The following GTPBP1 variants were observed in gnomAD, a reference collection of about 807,000 sequenced individuals.
The protein encoded by GTPBP1 is GTP-binding protein 1.
A neutral mutation model predicts 62.0 loss-of-function variants in GTPBP1; 23 were observed. The ratio of observed to expected loss-of-function variants is 0.37; its 90% CI spans 0.27 to 0.53. The LOEUF (loss-of-function observed/expected upper bound fraction) is 0.53. Ranked by LOEUF, GTPBP1 falls within the 20% of genes least tolerant of loss-of-function variation. The pLI is 0.89. For synonymous variants in GTPBP1, 344 were observed against 364.4 expected (o/e 0.94, Z 0.64); for missense variants, 640 against 917.3 (o/e 0.70, Z 3.90).
At position 38,727,338 on chromosome 22, in the gene GTPBP1, C is replaced by T. The variant is rs537370099; in HGVS notation, c.1527C>T (p.Tyr509=). The change falls in exon 9 of 12, where the codon TAC becomes TAT. Residue 509 remains tyrosine (Y), a synonymous_variant. Transcript: ENST00000216044. The surrounding 1 kb of genome is among the most constrained non-coding windows in gnomAD (Gnocchi z 6.5). ...ACCCCACCACAATTAGCCCGCGCTA[C>T]CAGGCCATGGGTAGGTGTCTAAGGC... is the stretch of plus-strand genomic sequence containing the variant. The part of the protein sequence containing the change: ...LHHPTTISPR[Y]QAMVHCGSIR... 3 of 1,580,820 alleles carry T rather than the reference C, an allele frequency of 1.9e-6. No individual in the cohort carries two copies. The highest frequency in any genetic ancestry group is 1.7e-6 in the Non-Finnish European group (2 of 1,162,694).
intron 11 of GTPBP1, 77 bp downstream of exon 11, chr22:38,729,739 GT>G: frequency 2.6e-6 from 3 of 1,161,494 alleles, no homozygotes; most frequent in Non-Finnish European, 2.3e-6. Context: ...AGGGTGACAT[GT>G]AGGCAAGCCT....
Position 38,706,032 on chromosome 22 carries a change from C to T in GTPBP1, c.77C>T (p.Pro26Leu), listed in dbSNP as rs2092601942. 4 of 1,367,656 alleles carry T rather than the reference C, an allele frequency of 2.9e-6. No homozygotes were observed. The highest frequency in any genetic ancestry group is 1.5e-5 in the African/African-American group (1 of 64,888). 84.7% of individuals were successfully genotyped at this position (1,367,656 alleles called of 1,614,324 possible). A position where few individuals can be genotyped will look rare whatever the true frequency, so the allele number is the denominator to read the frequency against. The stretch of plus-strand genomic sequence containing the variant: ...ATGTTCGCCCCCGAGCCCAGCTCCC[C>T]GGGGGCGGCCAGGGCCGCGGCGGCC... ...ASMFAPEPSS[P>L]GAARAAAAAA... The change falls in exon 1 of 12, where the codon CCG becomes CTG. Residue 26 changes from proline to leucine, a missense_variant. Coordinates refer to ENST00000216044, the MANE Select transcript of GTPBP1 (RefSeq NM_004286.5).
chr22:38,735,859 G>A (rs534936816), downstream of GTPBP1: 47 of 174,670 alleles, frequency 2.7e-4, no homozygotes, highest in African/African-American at 8.8e-4. Flanking sequence ...CTTGCCCAGG[G>A]GCAGAGGCAG....
At chr22:38,719,494 G>A (rs1020074635) in intron 4 of GTPBP1, among the ~76,000 whole-genome samples, 2 of 151,934 alleles carry the variant, frequency 1.3e-5, no homozygotes, top group Non-Finnish European at 2.9e-5. Context: ...TTTTAGAGAC[G>A]AGATCTTGCT....
chr22:38,712,170 C>T (rs1053282354), intron 2 of GTPBP1, among the ~76,000 whole-genome samples: 158 of 152,192 alleles, frequency 1.0e-3, no homozygotes, highest in African/African-American at 3.7e-3. Context: ...CCACCGTGCC[C>T]GGCCAAGGAG....
downstream of GTPBP1, chr22:38,736,336 C>A: frequency 6.2e-7 from 1 of 1,613,996 alleles, no homozygotes; most frequent in South Asian, 1.1e-5. Flanking sequence ...CCCAGTTAGT[C>A]AGGATCCGCA....
downstream of GTPBP1, chr22:38,742,684 T>G (rs745826949): frequency 1.4e-5 from 18 of 1,257,758 alleles, no homozygotes; most frequent in Non-Finnish European, 1.7e-5. Context: ...CATAAGGCCA[T>G]GCAGGGCCGG....
At chr22:38,735,326 C>T (rs772949903), downstream of GTPBP1, 11 of 436,872 alleles carry the variant, frequency 2.5e-5, no homozygotes, top group Middle Eastern at 5.2e-4. Flanking sequence ...ATGTGGGGGC[C>T]GGTGCAGACA....
Position 38,727,408 on chromosome 22 carries a change from G to A in GTPBP1, c.1537+60G>A, listed in dbSNP as rs2092732691. The A allele has an allele frequency of 5.5e-6, 8 of 1,457,822 alleles. No individual in the cohort carries two copies. The highest frequency in any genetic ancestry group is 6.4e-6 in the Non-Finnish European group (7 of 1,095,466). 90.3% of individuals were successfully genotyped at this position (1,457,822 alleles called of 1,614,324 possible). A position where few individuals can be genotyped will look rare whatever the true frequency, so the allele number is the denominator to read the frequency against. Reference sequence around the variant, plus strand: ...GTCGTGTTAGCTCCCCTCAGAAGGTGTTCCAGCAACCCAGGCCCCCTAGTT... The same window carrying A: ...GTCGTGTTAGCTCCCCTCAGAAGGTATTCCAGCAACCCAGGCCCCCTAGTT... On this transcript the variant is annotated intron_variant, in intron 9 of 11. Coordinates refer to ENST00000216044, the MANE Select transcript of GTPBP1 (RefSeq NM_004286.5). The surrounding 1 kb of genome is among the most constrained non-coding windows in gnomAD (Gnocchi z 6.5).
At chr22:38,742,704 G>A (rs1346201960), downstream of GTPBP1, 37 of 1,043,898 alleles carry the variant, frequency 3.5e-5, no homozygotes, top group Non-Finnish European at 2.3e-5. Flanking sequence ...GCTGGAGCTC[G>A]TGGGCAGGGG....
At chr22:38,715,126 G>A (rs2092662165) in intron 2 of GTPBP1, among the ~76,000 whole-genome samples, 1 of 152,074 alleles carries the variant, frequency 6.6e-6, no homozygotes, top group African/African-American at 2.4e-5. Context: ...CTTCCTAACT[G>A]GACTCCCCCC....
chr22:38,718,344 C>T (rs1351080305), intron 4 of GTPBP1, among the ~76,000 whole-genome samples: 1 of 152,176 alleles, frequency 6.6e-6, no homozygotes, highest in Admixed American at 6.5e-5. Flanking sequence ...AATATCTTCA[C>T]CCTGGACAAA....
At chr22:38,728,212 CCTGTT>C (rs1213106356) in intron 10 of GTPBP1, 51 bp downstream of exon 10, 2 of 1,322,798 alleles carry the variant, frequency 1.5e-6, no homozygotes, top group African/African-American at 1.4e-5. Context: ...AGGGGCCACT[CCTGTT>C]CTGTGACCCT....
Position 38,708,874 on chromosome 22 carries a change from G to A in GTPBP1, c.222G>A (p.Gln74=). 6.2e-7 allele frequency: 1 copy of A among 1,611,006 alleles called. No individual in the cohort carries two copies. The highest frequency in any genetic ancestry group is 8.5e-7 in the Non-Finnish European group (1 of 1,177,076). Residue 74 remains glutamine (Q), a synonymous_variant, in exon 2 of 12, where the codon CAG becomes CAA. Transcript: ENST00000216044. ...KLVLVSPTSE[Q]YDSLLRQMWE... ...TTCTAGTGAGCCCTACATCAGAGCA[G>A]TATGACAGCCTACTTCGGCAGATGT... is the stretch of plus-strand genomic sequence containing the variant.
At chr22:38,723,524 A>G in intron 5 of GTPBP1, 1 of 654,032 alleles carries the variant, frequency 1.5e-6, no homozygotes, top group Non-Finnish European at 2.7e-6. Flanking sequence ...ACGCGGGCGA[A>G]ACTTCCTTTG....
At chr22:38,708,399 T>C (rs957698193) in intron 1 of GTPBP1, among the ~76,000 whole-genome samples, 3 of 152,232 alleles carry the variant, frequency 2.0e-5, no homozygotes, top group Admixed American at 1.3e-4. Flanking sequence ...AGAATTCTTT[T>C]GTTATCCTGG....
downstream of GTPBP1, chr22:38,734,505 C>T (rs1265815255): frequency 6.2e-6 from 2 of 322,936 alleles, no homozygotes; most frequent in Non-Finnish European, 1.3e-5. Context: ...CTAATAAAGC[C>T]ACCTCACTGC....
At chr22:38,722,922 T>C in intron 5 of GTPBP1, 1 of 1,067,186 alleles carries the variant, frequency 9.4e-7, no homozygotes, top group Non-Finnish European at 1.5e-6. Context: ...GACGCTCAAG[T>C]GCTTGATGAC....
At position 38,729,653 on chromosome 22, in the gene GTPBP1, C is replaced by T; in HGVS notation, c.1908C>T (p.Leu636=). The change falls in exon 11 of 12, where the codon CTC becomes CTT. Residue 636 remains leucine, a synonymous_variant. Transcript: ENST00000216044. ...GGCAACCAGCTGCGTCCAGCAATCT[C>T]CAGCCTCAGGTGAGCACGGGCCCCT... ...GAGQPAASSN[L]QPQPKPSSGG... is the part of the protein sequence containing the mutation. 1.3e-6 allele frequency: 2 copies of T among 1,499,850 alleles called. No homozygotes were observed. Among genetic ancestry groups the T allele is most frequent in the Non-Finnish European group, 1.8e-6 (2 of 1,125,478 alleles). 92.9% of individuals were successfully genotyped at this position (1,499,850 alleles called of 1,614,324 possible).
Sources: gnomAD v4.1 joint callset for allele counts (sites outside exome capture counted in the v4.1 genomes callset) on GRCh38, gnomAD v4.1.1 for gene constraint, Gnocchi (gnomAD v3.1) non-coding constraint, MANE v1.5 for transcripts, NCBI Gene and HGNC (gene_info 2026-07-23, HGNC 2026-07-21) for gene names.